Variants in PLSCR2 observed in about 807,000 individuals in gnomAD.
PLSCR2 encodes phospholipid scramblase 2, also known as PL scramblase 2.
A neutral mutation model predicts 25.3 loss-of-function variants in PLSCR2; 18 were observed. The ratio of observed to expected loss-of-function variants is 0.71; its 90% confidence interval spans 0.49 to 1.06. PLSCR2 has a LOEUF of 1.06. Ranked by LOEUF, PLSCR2 falls within the 50% of genes least tolerant of loss-of-function variation. The pLI is 0.00. For missense variants in PLSCR2, 243 were observed against 269.5 expected (o/e 0.90, Z 0.69); for synonymous variants, 88 against 87.3 (o/e 1.01, Z -0.04).
At chr3:146,483,449 G>GTA (rs1397387338) in intron 1 of PLSCR2, among the ~76,000 whole-genome samples, 5 of 30,596 alleles carry the variant, frequency 1.6e-4, no homozygotes, top group African/African-American at 6.0e-4. Flanking sequence ...ATATACACAT[G>GTA]TATGTATATA....
intron 6 of PLSCR2, among the ~76,000 whole-genome samples, chr3:146,446,116 TTCACATA>T (rs555909357): frequency 6.9e-4 from 105 of 152,332 alleles, no homozygotes; most frequent in African/African-American, 2.4e-3. Flanking sequence ...TGTCCATAAG[TTCACATA>T]TCTCTGCCTC....
chr3:146,447,741 T>G (rs2108295529), intron 6 of PLSCR2, among the ~76,000 whole-genome samples: 1 of 152,244 alleles, frequency 6.6e-6, no homozygotes, highest in African/African-American at 2.4e-5. Context: ...AGGCTCCATG[T>G]CCAGCACAGC....
At chr3:146,394,310 C>T (rs1417246695) in intron 3 of PLSCR2, among the ~76,000 whole-genome samples, 1 of 151,642 alleles carries the variant, frequency 6.6e-6, no homozygotes, top group Non-Finnish European at 1.5e-5. Flanking sequence ...TCTTGTTGTC[C>T]AGGCTGGAGT....
At position 146,448,828 on chromosome 3, in the gene PLSCR2, T is replaced by G. The variant is rs1286151079; in HGVS notation, c.645+378A>C. Among the ~76,000 whole-genome samples the G allele has an allele frequency of 5.9e-5, 9 of 152,226 alleles. No individual in the cohort carries two copies. In the East Asian group the frequency reaches 1.7e-3, roughly 29 times the overall value. On this transcript the variant is annotated intron_variant, in intron 6 of 6. Coordinates refer to ENST00000610787, the Ensembl canonical transcript of PLSCR2. ...CTTATTGCACTTTATAATCCCATGT[T>G]AGATGTTTTAATTTAATGAGTTAGG...
chr3:146,484,147 CAAGTA>C (rs1281043360), intron 1 of PLSCR2, among the ~76,000 whole-genome samples: 3 of 151,138 alleles, frequency 2.0e-5, no homozygotes, highest in African/African-American at 7.3e-5. Context: ...GATGCAAACA[CAAGTA>C]AAATAGCCAA....
chr3:146,493,892 A>G (rs2043650530), intron 1 of PLSCR2, among the ~76,000 whole-genome samples: 1 of 149,020 alleles, frequency 6.7e-6, no homozygotes, highest in Non-Finnish European at 1.5e-5. Context: ...GACATTAATA[A>G]TGTGTAAGAT....
chr3:146,480,142 C>T (rs2043078038), intron 1 of PLSCR2, among the ~76,000 whole-genome samples: 1 of 152,200 alleles, frequency 6.6e-6, no homozygotes, highest in Middle Eastern at 3.4e-3. Context: ...CAGGAAAAAT[C>T]TAAAATTAAC....
At chr3:146,436,629 C>G (rs995589313) in intron 8 of PLSCR2, among the ~76,000 whole-genome samples, 20 of 152,072 alleles carry the variant, frequency 1.3e-4, no homozygotes, top group African/African-American at 4.8e-4. Context: ...GATTTTGTAT[C>G]CTGAGACTTT....
At chr3:146,463,637 C>T (rs1176681277), upstream of PLSCR2, among the ~76,000 whole-genome samples, 1 of 152,136 alleles carries the variant, frequency 6.6e-6, no homozygotes, top group East Asian at 1.9e-4. Flanking sequence ...CGGGCAAAAA[C>T]TCCATTACCC....
intron 2 of PLSCR2, among the ~76,000 whole-genome samples, chr3:146,458,948 G>T (rs2041388289): frequency 6.6e-6 from 1 of 152,036 alleles, no homozygotes. Context: ...CACTGTGCAA[G>T]TGCATTGTGG....
downstream of PLSCR2, among the ~76,000 whole-genome samples, chr3:146,429,956 G>A (rs1170836715): frequency 2.0e-5 from 3 of 152,144 alleles, no homozygotes; most frequent in African/African-American, 7.2e-5. Flanking sequence ...GGTGAGAGAA[G>A]GAAGGGCTGT....
At chr3:146,452,651 T>G (rs1404623715) in intron 5 of PLSCR2, among the ~76,000 whole-genome samples, 3 of 152,144 alleles carry the variant, frequency 2.0e-5, no homozygotes, top group Non-Finnish European at 4.4e-5. Flanking sequence ...CATAGAGAAT[T>G]GAAGAGCTAC....
chr3:146,495,988 A>T (rs1560068219), upstream of PLSCR2: 2 of 1,270,072 alleles, frequency 1.6e-6, no homozygotes, highest in Non-Finnish European at 2.2e-6. Flanking sequence ...AGATGGGCAG[A>T]TACAAGCAAC....
chr3:146,481,064 G>T lies in PLSCR2; in HGVS notation c.-293+14831C>A, dbSNP rs937136156. Among the ~76,000 whole-genome samples, 65 of 152,110 alleles carry T rather than the reference G, an allele frequency of 4.3e-4. 1 individual carries two copies. Among genetic ancestry groups the T allele is most frequent in the African/African-American group, 1.5e-3 (62 of 41,436 alleles). ...ATATTAAAAACTCTCAATAAACTAG[G>T]TATTGATGGTACGTATCTCAAAATA... is the stretch of plus-strand genomic sequence containing the variant. On this transcript the variant is annotated intron_variant, in intron 1 of 8. Transcript: ENST00000336685.
intron 2 of PLSCR2, among the ~76,000 whole-genome samples, chr3:146,427,650 C>A (rs2039402754): frequency 6.6e-6 from 1 of 152,190 alleles, no homozygotes; most frequent in Non-Finnish European, 1.5e-5. Flanking sequence ...CTCCCCAATT[C>A]TCTTGTGCTG....
intron 1 of PLSCR2, among the ~76,000 whole-genome samples, chr3:146,480,076 C>T (rs920812406): frequency 3.3e-5 from 5 of 152,282 alleles, no homozygotes; most frequent in African/African-American, 7.2e-5. Flanking sequence ...TTCTGGGACA[C>T]ATTCAAAGCC....
chr3:146,409,357 C>G (rs145277495), intron 2 of PLSCR2, among the ~76,000 whole-genome samples: 1 of 151,900 alleles, frequency 6.6e-6, no homozygotes. Flanking sequence ...AGACTCTTCT[C>G]GTCTTCAGAG....
chr3:146,412,731 G>A lies in PLSCR2; in HGVS notation c.101-16810C>T, dbSNP rs562507596. Reference sequence around the variant, plus strand: ...AGGGGAAGAGGTTCTTATTCCTGACGCAGATAGCCCCTACTGCTGTGTCGT... The same window carrying A: ...AGGGGAAGAGGTTCTTATTCCTGACACAGATAGCCCCTACTGCTGTGTCGT... On this transcript the variant is annotated intron_variant and NMD_transcript_variant, in intron 2 of 3. Transcript: ENST00000463633. 8.5e-5 allele frequency among the ~76,000 whole-genome samples: 13 copies of A among 152,240 alleles called. No homozygotes were observed. The South Asian group carries it at 1.9e-3, about 22-fold the overall frequency.
At chr3:146,449,937 G>A (rs2040803576) in intron 5 of PLSCR2, among the ~76,000 whole-genome samples, 1 of 152,176 alleles carries the variant, frequency 6.6e-6, no homozygotes, top group Admixed American at 6.5e-5. Context: ...GATGCCTCAA[G>A]TCAAGGGTGT....
Sources: allele counts gnomAD v4.1 joint callset (sites outside exome capture counted in the v4.1 genomes callset), GRCh38; gene constraint gnomAD v4.1.1; transcripts MANE v1.5; gene names NCBI Gene and HGNC (gene_info 2026-07-23, HGNC 2026-07-21).